The following TVP23A variants were observed in gnomAD, a reference collection of about 807,000 sequenced individuals.
The protein encoded by TVP23A is Golgi apparatus membrane protein TVP23 homolog A.
In TVP23A, 21 loss-of-function variants were observed where a neutral mutation model predicts 31.7. The observed-to-expected ratio is 0.66, with a 90% confidence interval of 0.47 to 0.95. The LOEUF (loss-of-function observed/expected upper bound fraction) is 0.95, where lower values mean the gene tolerates loss of function less well. TVP23A is among the 40% of genes least tolerant of loss of function. The probability of loss-of-function intolerance (pLI) is 0.00; values close to 1 mark genes in which losing one functional copy is unlikely to be tolerated. For missense variants in TVP23A, 279 were observed against 255.6 expected (o/e 1.09, Z -0.62); for synonymous variants, 104 against 96.0 (o/e 1.08, Z -0.49).
chr16:10,774,809 C>T lies in TVP23A; in HGVS notation c.234+143G>A, dbSNP rs561797385. 10 of 703,842 alleles carry T rather than the reference C, an allele frequency of 1.4e-5. No individual in the cohort carries two copies. In the African/African-American group the frequency reaches 1.8e-4, roughly 13 times the overall value. The allele number at this position is 703,842 out of a possible 1,614,324, so 43.6% of individuals were successfully genotyped here. A position where few individuals can be genotyped will look rare whatever the true frequency, so the allele number is the denominator to read the frequency against. On this transcript the variant is annotated intron_variant, in intron 3 of 7. Coordinates refer to ENST00000299866, the MANE Select transcript of TVP23A (RefSeq NM_001079512.4). ...TATTTTTAGTAGAGACGGGGTTTCT[C>T]CATTCCCCTTACTTTTAAGTGACAC...
intron 2 of TVP23A, among the ~76,000 whole-genome samples, chr16:10,814,269 C>T (rs1450726991): frequency 2.0e-5 from 3 of 152,166 alleles, no homozygotes; most frequent in Non-Finnish European, 4.4e-5. Flanking sequence ...TGAACTGCTG[C>T]CTCCCAGATC....
chr16:10,767,893 T>G lies in TVP23A; in HGVS notation c.*1209A>C. On this transcript the variant is annotated 3_prime_UTR_variant, in exon 8 of 8. Coordinates refer to ENST00000299866, the MANE Select transcript of TVP23A (RefSeq NM_001079512.4). The surrounding 1 kb of genome is among the most constrained non-coding windows in gnomAD (Gnocchi z 4.6). ...GCACGGAAAGAGCCCCAAGATCTTG[T>G]GGCCATTCTGTTTTCCTCTTGGACT... The G allele has an allele frequency of 6.7e-7, 1 of 1,488,496 alleles. No individual in the cohort carries two copies. Among genetic ancestry groups the G allele is most frequent in the Non-Finnish European group, 9.4e-7 (1 of 1,065,804 alleles). The allele number at this position is 1,488,496 out of a possible 1,614,324, so 92.2% of individuals were successfully genotyped here.
downstream of TVP23A, chr16:10,761,893 C>A (rs201676144): frequency 5.3e-6 from 8 of 1,521,944 alleles, no homozygotes; most frequent in South Asian, 9.0e-5. Context: ...GCACCTCACT[C>A]CTCGGTCAGC....
At chr16:10,764,668 C>T (rs2030585856), downstream of TVP23A, among the ~76,000 whole-genome samples, 1 of 147,330 alleles carries the variant, frequency 6.8e-6, no homozygotes, top group African/African-American at 2.5e-5. Context: ...TCTATTGGAG[C>T]ATCTCAGTCT....
Position 10,779,736 on chromosome 16 carries a change from T to G in TVP23A, c.90-4640A>C, listed in dbSNP as rs549645406. Among the ~76,000 whole-genome samples, 4 of 152,348 alleles carry G rather than the reference T, an allele frequency of 2.6e-5. No homozygotes were observed. Among genetic ancestry groups the G allele is most frequent in the African/African-American group, 9.6e-5 (4 of 41,578 alleles). On this transcript the variant is annotated intron_variant, in intron 2 of 7. Coordinates refer to ENST00000299866, the MANE Select transcript of TVP23A (RefSeq NM_001079512.4). The surrounding 1 kb of genome is among the most constrained non-coding windows in gnomAD (Gnocchi z 4.9). Reference sequence around the variant, plus strand: ...CCAGGCCAACTTAAAATTACCAAGTTTTCCAGAGCTTATATACCTTCTGAG... The same window carrying G: ...CCAGGCCAACTTAAAATTACCAAGTGTTCCAGAGCTTATATACCTTCTGAG...
At chr16:10,773,728 G>C (rs936784441) in intron 4 of TVP23A, among the ~76,000 whole-genome samples, 7 of 152,092 alleles carry the variant, frequency 4.6e-5, no homozygotes, top group Admixed American at 2.6e-4. Context: ...CTGCCACCAC[G>C]CCCAGCTAAT....
chr16:10,762,498 G>A (rs905632567), downstream of TVP23A, among the ~76,000 whole-genome samples: 12 of 152,354 alleles, frequency 7.9e-5, no homozygotes, highest in Non-Finnish European at 1.5e-4. Flanking sequence ...CGCTGGGCAG[G>A]GCCTACACTC....
At chr16:10,785,834 C>T (rs962965326) in intron 2 of TVP23A, among the ~76,000 whole-genome samples, 2 of 152,210 alleles carry the variant, frequency 1.3e-5, no homozygotes, top group Non-Finnish European at 2.9e-5. Flanking sequence ...CTGATTTGCT[C>T]TGGCCCCCTG....
intron 2 of TVP23A, among the ~76,000 whole-genome samples, chr16:10,790,460 AT>A (rs1245693523): frequency 6.6e-6 from 1 of 151,584 alleles, no homozygotes; most frequent in African/African-American, 2.4e-5. Flanking sequence ...AATATTTTGC[AT>A]TTTTTAGTAG....
At chr16:10,799,970 C>G (rs1471750686) in intron 2 of TVP23A, among the ~76,000 whole-genome samples, 3 of 148,642 alleles carry the variant, frequency 2.0e-5, no homozygotes, top group Admixed American at 6.7e-5. Context: ...AGTTATGGAG[C>G]CTTTATTCTT....
intron 7 of TVP23A, among the ~76,000 whole-genome samples, chr16:10,769,882 G>A (rs760972637): frequency 1.3e-5 from 2 of 152,188 alleles, no homozygotes; most frequent in African/African-American, 4.8e-5. Context: ...CTGAGACCAC[G>A]TGGGAGAAGA....
At chr16:10,762,561 G>A (rs1478636341), downstream of TVP23A, among the ~76,000 whole-genome samples, 3 of 152,238 alleles carry the variant, frequency 2.0e-5, no homozygotes, top group Non-Finnish European at 4.4e-5. Flanking sequence ...AGCCGGGCGG[G>A]CCTCCGTTAC....
At chr16:10,809,315 G>A (rs972250344) in intron 2 of TVP23A, among the ~76,000 whole-genome samples, 6 of 152,120 alleles carry the variant, frequency 3.9e-5, no homozygotes, top group African/African-American at 1.5e-4. Context: ...GGGCTGATGG[G>A]GGCCTGCCTG....
chr16:10,806,790 C>A (rs1335231373), intron 2 of TVP23A, among the ~76,000 whole-genome samples: 1 of 152,204 alleles, frequency 6.6e-6, no homozygotes, highest in African/African-American at 2.4e-5. Flanking sequence ...ACATGAGCCA[C>A]CACACCTGGC....
At chr16:10,759,591 T>C (rs1374621390), downstream of TVP23A, among the ~76,000 whole-genome samples, 1 of 152,062 alleles carries the variant, frequency 6.6e-6, no homozygotes, top group East Asian at 1.9e-4. The surrounding 1 kb of genome is among the most constrained non-coding windows in gnomAD (Gnocchi z 4.7). Flanking sequence ...CTGGCCAATA[T>C]GGCAAAACCC....
intron 2 of TVP23A, among the ~76,000 whole-genome samples, chr16:10,795,514 G>A (rs575913465): frequency 6.6e-6 from 1 of 152,194 alleles, no homozygotes; most frequent in Non-Finnish European, 1.5e-5. Context: ...GCCTCCTCAA[G>A]TGCTGGGATT....
At chr16:10,798,226 T>C (rs1368892300) in intron 2 of TVP23A, among the ~76,000 whole-genome samples, 2 of 152,078 alleles carry the variant, frequency 1.3e-5, no homozygotes, top group East Asian at 1.9e-4. Context: ...CCCATAGTAC[T>C]GGGATTACAG....
At chr16:10,791,257 T>C (rs1312529993) in intron 2 of TVP23A, among the ~76,000 whole-genome samples, 1 of 152,178 alleles carries the variant, frequency 6.6e-6, no homozygotes, top group Non-Finnish European at 1.5e-5. Context: ...CGAATGTTTT[T>C]CCCCATTGTT....
chr16:10,761,042 T>G (rs974559577), downstream of TVP23A: 4 of 225,210 alleles, frequency 1.8e-5, no homozygotes, highest in East Asian at 1.2e-4. Flanking sequence ...AGAGAGAGAG[T>G]GTGTAGGAGG....
Sources: gnomAD v4.1 joint callset for allele counts (sites outside exome capture counted in the v4.1 genomes callset) on GRCh38, gnomAD v4.1.1 for gene constraint, Gnocchi (gnomAD v3.1) non-coding constraint, MANE v1.5 for transcripts, NCBI Gene and HGNC (gene_info 2026-07-23, HGNC 2026-07-21) for gene names.